Variants in TLK1 observed in about 807,000 individuals in gnomAD.
TLK1 encodes the protein serine/threonine-protein kinase tousled-like 1.
A neutral mutation model predicts 105.3 loss-of-function variants in TLK1; 24 were observed. That is an observed-to-expected ratio of 0.23 (90% confidence interval 0.17 to 0.32). The LOEUF (loss-of-function observed/expected upper bound fraction) is 0.32, where lower values mean the gene tolerates loss of function less well. Among genes scored for constraint, TLK1 ranks in the 10% least tolerant of loss-of-function variants. The pLI is 1.00. For missense variants in TLK1, 558 were observed against 910.5 expected (o/e 0.61, Z 4.98); for synonymous variants, 321 against 310.4 (o/e 1.03, Z -0.36).
chr2:171,230,834 G>A (rs1361984111), intron 1 of TLK1, among the ~76,000 whole-genome samples: 2 of 152,068 alleles, frequency 1.3e-5, no homozygotes, highest in East Asian at 3.9e-4. Flanking sequence ...GCAACTCTTT[G>A]GTAAATGGCC....
chr2:171,160,253 G>T lies in TLK1; in HGVS notation c.139+37C>A. 6.9e-7 allele frequency: 1 copy of T among 1,452,938 alleles called. No individual in the cohort carries two copies. 90.0% of individuals were successfully genotyped at this position (1,452,938 alleles called of 1,614,324 possible). On this transcript the variant is annotated intron_variant, in intron 1 of 20. Transcript: ENST00000431350. This position sits in a 1 kb window ranked among gnomAD's most constrained non-coding sequence, Gnocchi z 4.4. Reference sequence around the variant, plus strand: ...CGCGGGGGTCCGCGGCGCGGGAGAGGAGGCCCGCGAGCGGGCGCGGGCGCG... The same window carrying T: ...CGCGGGGGTCCGCGGCGCGGGAGAGTAGGCCCGCGAGCGGGCGCGGGCGCG...
rs1439399900 is a variant in TLK1 at position 171,004,777 on chromosome 2, AAAAAAATG to A, written c.1904+1362_1904+1369del. On this transcript the variant is annotated intron_variant, in intron 18 of 20. Coordinates refer to ENST00000431350, the MANE Select transcript of TLK1 (RefSeq NM_012290.5). ...TTAGAATAAGATTTTGTTGTTAAAA[AAAAAAATG>A]AGCCTTGTTGCTAAAAGAAAAAAGT... 5.9e-5 allele frequency among the ~76,000 whole-genome samples: 9 copies of A among 152,364 alleles called. No individual in the cohort carries two copies. In the East Asian group the frequency reaches 1.5e-3, roughly 26 times the overall value.
At chr2:171,102,509 T>A (rs1057300505) in intron 2 of TLK1, among the ~76,000 whole-genome samples, 2 of 152,204 alleles carry the variant, frequency 1.3e-5, no homozygotes, top group Non-Finnish European at 2.9e-5. Context: ...CAAATTCATA[T>A]GCTATCAGGG....
In TLK1 at chr2:171,055,128, G is replaced by A. The variant is rs1454258537; in HGVS notation, c.594C>T (p.Asp198=). The change falls in exon 7 of 21, where the codon GAC becomes GAT. Residue 198 remains aspartate (D), a synonymous_variant. Transcript: ENST00000431350. ...ATTGCTTTGGTTGTACAATAGGGTG[G>A]TCCCCAAATGCTAATGCAGTAGGAG... is the stretch of plus-strand genomic sequence containing the variant. The part of the protein sequence containing the change: ...SPSPTALAFG[D]HPIVQPKQLS... The A allele has an allele frequency of 6.7e-7, 1 of 1,499,774 alleles. No individual in the cohort carries two copies. Among genetic ancestry groups the A allele is most frequent in the Non-Finnish European group, 8.8e-7 (1 of 1,131,524 alleles). 92.9% of individuals were successfully genotyped at this position (1,499,774 alleles called of 1,614,324 possible). A position where few individuals can be genotyped will look rare whatever the true frequency, so the allele number is the denominator to read the frequency against.
At chr2:171,176,027 C>A (rs1242906006) in intron 1 of TLK1, among the ~76,000 whole-genome samples, 1 of 152,084 alleles carries the variant, frequency 6.6e-6, no homozygotes, top group African/African-American at 2.4e-5. Context: ...ACCTCCACCT[C>A]CTGGGTTCAA....
chr2:171,040,373 A>G (rs1304466805), intron 11 of TLK1, among the ~76,000 whole-genome samples: 1 of 152,150 alleles, frequency 6.6e-6, no homozygotes, highest in Non-Finnish European at 1.5e-5. Context: ...CATATGTGCC[A>G]CTGTGGTGTG....
upstream of TLK1, among the ~76,000 whole-genome samples, chr2:171,161,063 G>T: frequency 6.7e-6 from 1 of 148,552 alleles, no homozygotes; most frequent in Admixed American, 6.7e-5. Context: ...GGGAAGGAGC[G>T]AGCGCGCGAG....
chr2:171,004,818 C>T (rs1186375359), intron 18 of TLK1, among the ~76,000 whole-genome samples: 1 of 151,902 alleles, frequency 6.6e-6, no homozygotes, highest in Non-Finnish European at 1.5e-5. Context: ...AGTCCAAAGA[C>T]TTTGAGAATA....
intron 1 of TLK1, among the ~76,000 whole-genome samples, chr2:171,123,089 T>TACACACACACA (rs1690726199): frequency 1.8e-5 from 2 of 111,498 alleles, no homozygotes; most frequent in Non-Finnish European, 3.6e-5. Context: ...CACACACACT[T>TACACACACACA]CTTTTTTTAA....
intron 2 of TLK1, among the ~76,000 whole-genome samples, chr2:171,088,314 T>G (rs902285458): frequency 5.3e-5 from 8 of 151,806 alleles, no homozygotes; most frequent in Non-Finnish European, 1.0e-4. Context: ...CCTGAGCGAC[T>G]GAGACCCTGT....
At chr2:171,005,317 A>G (rs915480456) in intron 18 of TLK1, among the ~76,000 whole-genome samples, 3 of 152,238 alleles carry the variant, frequency 2.0e-5, no homozygotes, top group African/African-American at 7.2e-5. Flanking sequence ...ATTTAGATTT[A>G]TATCTATGAA....
At chr2:171,131,130 G>A (rs1434090401) in intron 1 of TLK1, among the ~76,000 whole-genome samples, 1 of 151,908 alleles carries the variant, frequency 6.6e-6, no homozygotes, top group African/African-American at 2.4e-5. Context: ...GAGATACAGA[G>A]ATATATAGAT....
At position 171,045,972 on chromosome 2, in the gene TLK1, G is replaced by A. The variant is rs1686944699; in HGVS notation, c.1169+202C>T. On this transcript the variant is annotated intron_variant, in intron 11 of 20. Coordinates refer to ENST00000431350, the MANE Select transcript of TLK1 (RefSeq NM_012290.5). ...AGCTACCTAGGTCTCTGTTTTAAAA[G>A]AGAATTGTTAAATCTCTGCTTAAAA... 6.7e-6 allele frequency: 3 copies of A among 448,688 alleles called. No individual in the cohort carries two copies. In the South Asian group the frequency reaches 2.3e-4, roughly 34 times the overall value. 27.8% of individuals were successfully genotyped at this position (448,688 alleles called of 1,614,324 possible). A position where few individuals can be genotyped will look rare whatever the true frequency, so the allele number is the denominator to read the frequency against.
chr2:171,188,215 C>T (rs967159321), intron 1 of TLK1, among the ~76,000 whole-genome samples: 1 of 152,200 alleles, frequency 6.6e-6, no homozygotes, highest in African/African-American at 2.4e-5. Flanking sequence ...AGTCTCTTAG[C>T]TTAAGCAATA....
rs375493200 is a variant in TLK1 at position 171,073,391 on chromosome 2, T to C, written c.330+9390A>G. On this transcript the variant is annotated intron_variant, in intron 3 of 20. Coordinates refer to ENST00000431350, the MANE Select transcript of TLK1 (RefSeq NM_012290.5). ...CTGTTTGTTTGCTTGCTAAATAGCT[T>C]ACAGATCCATTTCATGATTTCATGA... 7.2e-5 allele frequency among the ~76,000 whole-genome samples: 11 copies of C among 152,234 alleles called. No individual in the cohort carries two copies. The East Asian group carries it at 2.1e-3, about 29-fold the overall frequency.
In TLK1 at chr2:171,006,532, A is replaced by G. The variant is rs1045701548; in HGVS notation, c.1710T>C (p.Asn570=). 6.2e-7 allele frequency: 1 copy of G among 1,612,916 alleles called. No individual in the cohort carries two copies. The highest frequency in any genetic ancestry group is 8.5e-7 in the Non-Finnish European group (1 of 1,179,560). ...TGATCTCATTGAGATATCTTAGTGC[A>G]TTTACAATCTGCATTACAATAGACC... ...EARSIVMQIV[N]ALRYLNEIKP... is the part of the protein sequence containing the mutation. The change falls in exon 17 of 21, where the codon AAT becomes AAC. Residue 570 remains asparagine (N), a synonymous_variant. Coordinates refer to ENST00000431350, the MANE Select transcript of TLK1 (RefSeq NM_012290.5).
At chr2:171,183,689 G>C (rs776230782) in intron 1 of TLK1, among the ~76,000 whole-genome samples, 10 of 152,150 alleles carry the variant, frequency 6.6e-5, no homozygotes, top group Non-Finnish European at 1.5e-4. Flanking sequence ...GGCCAAGTCT[G>C]TCAATAGTTT....
chr2:171,174,937 A>G (rs981342877), intron 1 of TLK1, among the ~76,000 whole-genome samples: 10 of 152,186 alleles, frequency 6.6e-5, no homozygotes, highest in African/African-American at 9.7e-5. Context: ...ATGACTCCCA[A>G]CTTCACTCAG....
At chr2:171,020,416 T>G (rs1685436984) in intron 12 of TLK1, among the ~76,000 whole-genome samples, 2 of 151,920 alleles carry the variant, frequency 1.3e-5, no homozygotes, top group Admixed American at 1.3e-4. Flanking sequence ...GGCAGGAGCC[T>G]GTAGTCCCAG....
Sources: allele counts gnomAD v4.1 joint callset (sites outside exome capture counted in the v4.1 genomes callset), GRCh38; gene constraint gnomAD v4.1.1; non-coding constraint Gnocchi (gnomAD v3.1); transcripts MANE v1.5; gene names NCBI Gene and HGNC (gene_info 2026-07-23, HGNC 2026-07-21).